The following GALNT2 variants were observed in gnomAD, a reference collection of about 807,000 sequenced individuals.
The protein encoded by GALNT2 is UDP-GalNAc:polypeptide N-acetylgalactosaminyltransferase 2.
In GALNT2, 31 loss-of-function variants were observed where a neutral mutation model predicts 81.4. That is an observed-to-expected ratio of 0.38 (90% CI 0.29 to 0.51). The LOEUF (loss-of-function observed/expected upper bound fraction) is 0.51. Ranked by LOEUF, GALNT2 falls within the 20% of genes least tolerant of loss-of-function variation. The pLI, the probability that GALNT2 is intolerant of heterozygous loss-of-function variation, is 0.87. For missense variants in GALNT2, 629 were observed against 765.7 expected (o/e 0.82, Z 2.11); for synonymous variants, 303 against 287.4 (o/e 1.05, Z -0.55).
chr1:230,160,867 G>GT lies in GALNT2; in HGVS notation c.127-17343dup, dbSNP rs138410192. ...AAGGGGATATAATACCCCAAATAGG[G>GT]TTTTTTTTGGTACAAACTGTGGATA... On this transcript the variant is annotated intron_variant, in intron 1 of 15. Transcript: ENST00000366672. Among the ~76,000 whole-genome samples the GT allele has an allele frequency of 0.027, 4,096 of 151,924 alleles. 493 individuals carry two copies. In the East Asian group the frequency reaches 0.42, roughly 16 times the overall value.
chr1:230,209,852 GGTCCC>G, intron 3 of GALNT2, among the ~76,000 whole-genome samples: 1 of 152,154 alleles, frequency 6.6e-6, no homozygotes, highest in East Asian at 1.9e-4. Context: ...TATTGTTTAA[GGTCCC>G]GTCTGTGGTA....
chr1:230,184,556 A>G (rs968710317), intron 2 of GALNT2, among the ~76,000 whole-genome samples: 1 of 151,582 alleles, frequency 6.6e-6, no homozygotes, highest in Admixed American at 6.6e-5. Flanking sequence ...CCCTTTAAAT[A>G]TTTCCCTCTC....
chr1:230,094,932 A>C (rs1244139360), intron 1 of GALNT2, among the ~76,000 whole-genome samples: 1 of 152,076 alleles, frequency 6.6e-6, no homozygotes, highest in Non-Finnish European at 1.5e-5. Flanking sequence ...CGTAGCTCCT[A>C]CTGAGGGTGA....
chr1:230,108,489 C>T (rs1269687659), intron 1 of GALNT2, among the ~76,000 whole-genome samples: 3 of 152,144 alleles, frequency 2.0e-5, no homozygotes, highest in Non-Finnish European at 4.4e-5. Flanking sequence ...CAAGATGTGG[C>T]GCATTGTAAG....
intron 1 of GALNT2, among the ~76,000 whole-genome samples, chr1:230,155,122 G>A (rs1010754078): frequency 3.3e-5 from 5 of 152,102 alleles, no homozygotes; most frequent in African/African-American, 9.7e-5. Context: ...CCCCGTTTCC[G>A]CGTGCAGTTT....
chr1:230,111,528 T>G (rs1261856080), intron 1 of GALNT2, among the ~76,000 whole-genome samples: 1 of 152,266 alleles, frequency 6.6e-6, no homozygotes, highest in Non-Finnish European at 1.5e-5. Context: ...CTTCAGGGCA[T>G]GTACCCAAGT....
intron 1 of GALNT2, among the ~76,000 whole-genome samples, chr1:230,138,932 T>C (rs1661640404): frequency 6.6e-6 from 1 of 152,170 alleles, no homozygotes; most frequent in African/African-American, 2.4e-5. Flanking sequence ...ATGACCTGTA[T>C]CTCATGCTGA....
chr1:230,060,664 A>T (rs1298846131), intron 1 of GALNT2, among the ~76,000 whole-genome samples: 1 of 152,140 alleles, frequency 6.6e-6, no homozygotes, highest in African/African-American at 2.4e-5. Flanking sequence ...GCATCCATTC[A>T]GGTGTCTTCT....
upstream of GALNT2, among the ~76,000 whole-genome samples, chr1:230,063,734 A>G (rs1659103078): frequency 6.6e-6 from 1 of 152,216 alleles, no homozygotes; most frequent in South Asian, 2.1e-4. Context: ...TAGGAAGGGA[A>G]GTTTTGGGCT....
chr1:230,141,898 C>T (rs531165538), intron 1 of GALNT2, among the ~76,000 whole-genome samples: 5 of 145,786 alleles, frequency 3.4e-5, no homozygotes, highest in Non-Finnish European at 6.0e-5. Flanking sequence ...CTTATTTTCC[C>T]GCCTCTGCCT....
intron 10 of GALNT2, 113 bp downstream of exon 10, chr1:230,250,673 A>C: frequency 1.5e-6 from 1 of 676,306 alleles, no homozygotes; most frequent in Non-Finnish European, 2.5e-6. Flanking sequence ...CACTGGGCTT[A>C]ATCGATCCTT....
rs185117452 is a variant in GALNT2 at position 230,079,985 on chromosome 1, G to A, written c.126+12579G>A. ...GGAAGATGTGAATTTGGCGTCCTTTGTTTTAGAAAGAAAAGGGATAGAGGT... is the reference window on the plus strand; with the variant it reads ...GGAAGATGTGAATTTGGCGTCCTTTATTTTAGAAAGAAAAGGGATAGAGGT... On this transcript the variant is annotated intron_variant, in intron 1 of 15. Transcript: ENST00000366672. Among the ~76,000 whole-genome samples, 389 of 152,312 alleles carry A rather than the reference G, an allele frequency of 2.6e-3. 3 individuals carry two copies. The highest frequency in any genetic ancestry group is 7.9e-3 in the African/African-American group (327 of 41,574).
rs559192414 is a variant in GALNT2 at position 230,093,502 on chromosome 1, G to C, written c.126+26096G>C. On this transcript the variant is annotated intron_variant, in intron 1 of 15. Transcript: ENST00000366672. ...CAAGGGTAAAACTAGATCGGCTGCG[G>C]GCTGTGTTCCCTGGGCTTCCTGCTG... Among the ~76,000 whole-genome samples the C allele has an allele frequency of 2.6e-5, 4 of 152,330 alleles. No individual in the cohort carries two copies. In the South Asian group the frequency reaches 8.3e-4, roughly 32 times the overall value.
At chr1:230,073,535 C>G (rs1181900021) in intron 1 of GALNT2, among the ~76,000 whole-genome samples, 2 of 152,106 alleles carry the variant, frequency 1.3e-5, no homozygotes, top group Non-Finnish European at 1.5e-5. Context: ...AGTATGGGCC[C>G]CAGAAGCATG....
At chr1:230,123,344 ACC>A (rs1661078138) in intron 1 of GALNT2, among the ~76,000 whole-genome samples, 1 of 152,200 alleles carries the variant, frequency 6.6e-6, no homozygotes, top group African/African-American at 2.4e-5. Context: ...CTGGGGGCCA[ACC>A]CGTTAGGGGA....
intron 9 of GALNT2, among the ~76,000 whole-genome samples, chr1:230,249,925 G>A (rs1665490899): frequency 6.6e-6 from 1 of 152,212 alleles, no homozygotes; most frequent in Non-Finnish European, 1.5e-5. Context: ...AACAAAGTAG[G>A]GAGCTCAGTG....
intron 2 of GALNT2, among the ~76,000 whole-genome samples, chr1:230,183,098 A>G (rs544412972): frequency 5.1e-4 from 78 of 152,330 alleles, no homozygotes; most frequent in African/African-American, 1.6e-3. Flanking sequence ...TAGTGTTAGC[A>G]TGATAGATCT....
chr1:230,245,049 C>G (rs186001838), intron 7 of GALNT2, among the ~76,000 whole-genome samples: 1 of 152,148 alleles, frequency 6.6e-6, no homozygotes, highest in Non-Finnish European at 1.5e-5. Flanking sequence ...CACCAGCATC[C>G]GTCATTTGAG....
At chr1:230,099,577 G>A (rs1660343299) in intron 1 of GALNT2, among the ~76,000 whole-genome samples, 1 of 152,182 alleles carries the variant, frequency 6.6e-6, no homozygotes. Flanking sequence ...CTGGTTTGAG[G>A]GTAGCATATG....
Sources: gnomAD v4.1 joint callset for allele counts (sites outside exome capture counted in the v4.1 genomes callset) on GRCh38, gnomAD v4.1.1 for gene constraint, MANE v1.5 for transcripts, NCBI Gene and HGNC (gene_info 2026-07-23, HGNC 2026-07-21) for gene names.